The following SCARA5 variants were observed in gnomAD, a reference collection of about 807,000 sequenced individuals.
SCARA5 encodes the protein scavenger receptor class A, member 5 (putative).
In SCARA5, 45 loss-of-function variants were observed where a neutral mutation model predicts 46.3. The ratio of observed to expected loss-of-function variants is 0.97; its 90% CI spans 0.76 to 1.24. The LOEUF is 1.24. Ranked by LOEUF, SCARA5 falls within the 50% of genes most tolerant of loss-of-function variation. The pLI, the probability that SCARA5 is intolerant of heterozygous loss-of-function variation, is 0.00. For missense variants in SCARA5, 680 were observed against 689.0 expected, an observed-to-expected ratio of 0.99 and a Z score of 0.15; for synonymous variants, 333 against 306.5, an observed-to-expected ratio of 1.09 and a Z score of -0.90.
At chr8:27,977,563 C>G (rs1808544709) in intron 2 of SCARA5, among the ~76,000 whole-genome samples, 1 of 152,230 alleles carries the variant, frequency 6.6e-6, no homozygotes, top group Admixed American at 6.5e-5. Context: ...CCATTCTCCT[C>G]ATACACCAGT....
chr8:27,913,855 C>T (rs1807417934), intron 4 of SCARA5, among the ~76,000 whole-genome samples: 1 of 152,212 alleles, frequency 6.6e-6, no homozygotes, highest in African/African-American at 2.4e-5. Context: ...TGCTCATGGT[C>T]ACCAACTTTC....
intron 2 of SCARA5, among the ~76,000 whole-genome samples, chr8:27,986,301 C>T (rs1044071214): frequency 8.5e-5 from 13 of 152,180 alleles, no homozygotes; most frequent in African/African-American, 3.1e-4. Flanking sequence ...GTCTTCCAGC[C>T]CTTTTCCAGA....
At chr8:27,917,747 A>G (rs781110415) in intron 4 of SCARA5, among the ~76,000 whole-genome samples, 2 of 152,218 alleles carry the variant, frequency 1.3e-5, no homozygotes, top group Non-Finnish European at 2.9e-5. Context: ...GCCTCATTAT[A>G]GGTCATAATT....
chr8:27,990,226 G>A (rs1476332002), intron 1 of SCARA5, among the ~76,000 whole-genome samples: 1 of 152,256 alleles, frequency 6.6e-6, no homozygotes, highest in Non-Finnish European at 1.5e-5. Flanking sequence ...AGGGACTGGG[G>A]CCGAGCGGGG....
chr8:27,901,694 G>C lies in SCARA5; in HGVS notation c.1153+3084C>G, dbSNP rs73567083. ...GCTGTGGGAAGACACCCCGCAATGG[G>C]ACAGGCACAGACCTCAGCCCTGAAT... On this transcript the variant is annotated intron_variant, in intron 7 of 8. Coordinates refer to ENST00000354914, the MANE Select transcript of SCARA5 (RefSeq NM_173833.6). Among the ~76,000 whole-genome samples the C allele has an allele frequency of 2.2e-3, 342 of 152,270 alleles. 1 individual carries two copies. The highest frequency in any genetic ancestry group is 6.1e-3 in the African/African-American group (253 of 41,552).
intron 7 of SCARA5, chr8:27,903,585 T>C (rs1299546021): frequency 2.0e-5 from 3 of 152,306 alleles, no homozygotes; most frequent in African/African-American, 7.2e-5. Flanking sequence ...TATGCTCTAT[T>C]TGTTTTAAGT....
intron 3 of SCARA5, among the ~76,000 whole-genome samples, chr8:27,963,205 A>G (rs943824723): frequency 3.3e-5 from 5 of 152,218 alleles, no homozygotes; most frequent in African/African-American, 1.2e-4. Flanking sequence ...GAAGAGCCAT[A>G]GGTAAGACTG....
intron 7 of SCARA5, among the ~76,000 whole-genome samples, chr8:27,902,975 G>A (rs925912432): frequency 4.6e-5 from 7 of 152,120 alleles, no homozygotes; most frequent in Non-Finnish European, 7.3e-5. Flanking sequence ...GTTTTTCTAC[G>A]GGCAAGTCCA....
chr8:27,950,680 G>C (rs1162842273), intron 3 of SCARA5, among the ~76,000 whole-genome samples: 1 of 152,096 alleles, frequency 6.6e-6, no homozygotes, highest in Non-Finnish European at 1.5e-5. Flanking sequence ...GCGGCCAGAG[G>C]GACAGAGTGG....
intron 3 of SCARA5, among the ~76,000 whole-genome samples, chr8:27,945,769 AG>A (rs1808026960): frequency 6.6e-6 from 1 of 152,236 alleles, no homozygotes; most frequent in African/African-American, 2.4e-5. Flanking sequence ...ACCAGGCAAA[AG>A]GCTTAAACAG....
intron 3 of SCARA5, among the ~76,000 whole-genome samples, chr8:27,948,400 T>G (rs1468179178): frequency 1.3e-5 from 2 of 152,196 alleles, no homozygotes; most frequent in African/African-American, 2.4e-5. Context: ...AACTGAAGTC[T>G]CAGGACCTGG....
At chr8:27,911,968 C>T (rs181289754) in intron 4 of SCARA5, among the ~76,000 whole-genome samples, 64 of 152,214 alleles carry the variant, frequency 4.2e-4, no homozygotes, top group Middle Eastern at 3.4e-3. Flanking sequence ...TGATGCATTC[C>T]CAAGCCAAGA....
At chr8:27,954,138 C>T (rs1485399462) in intron 3 of SCARA5, among the ~76,000 whole-genome samples, 1 of 152,166 alleles carries the variant, frequency 6.6e-6, no homozygotes, top group Non-Finnish European at 1.5e-5. Flanking sequence ...GGGCACTTAC[C>T]CAGCTTCTGT....
chr8:27,883,627 A>G (rs1047640255), intron 7 of SCARA5, among the ~76,000 whole-genome samples: 1 of 152,184 alleles, frequency 6.6e-6, no homozygotes, highest in Non-Finnish European at 1.5e-5. Flanking sequence ...GTGGACTGGC[A>G]TTTAGATTAG....
intron 7 of SCARA5, among the ~76,000 whole-genome samples, chr8:27,902,670 T>C (rs1202719310): frequency 2.0e-5 from 3 of 152,154 alleles, no homozygotes; most frequent in Admixed American, 6.5e-5. Flanking sequence ...CAGAACTAAA[T>C]GCCACGATCC....
intron 5 of SCARA5, 56 bp from the exon 6 acceptor site, chr8:27,907,302 C>T (rs1168277497): frequency 4.6e-6 from 6 of 1,315,038 alleles, no homozygotes; most frequent in Non-Finnish European, 5.4e-6. Flanking sequence ...GAAGGACCCT[C>T]AGAGGTCATC....
At chr8:27,951,401 G>C (rs1808124126) in intron 3 of SCARA5, among the ~76,000 whole-genome samples, 1 of 152,126 alleles carries the variant, frequency 6.6e-6, no homozygotes. Context: ...TCAACCCAGA[G>C]CCCCCAACAG....
intron 4 of SCARA5, among the ~76,000 whole-genome samples, chr8:27,915,099 T>C (rs1387924730): frequency 6.6e-6 from 1 of 151,936 alleles, no homozygotes; most frequent in Non-Finnish European, 1.5e-5. Context: ...CAGGGTAGAG[T>C]GGCTCAGCAA....
intron 8 of SCARA5, among the ~76,000 whole-genome samples, 200 bp from the exon 9 acceptor site, chr8:27,872,270 T>A (rs981282852): frequency 1.3e-5 from 2 of 152,136 alleles, no homozygotes; most frequent in Non-Finnish European, 2.9e-5. Context: ...TCACAATAAT[T>A]GTTGGTGATG....
Sources: allele counts gnomAD v4.1 joint callset (sites outside exome capture counted in the v4.1 genomes callset), GRCh38; gene constraint gnomAD v4.1.1; transcripts MANE v1.5; gene names NCBI Gene and HGNC (gene_info 2026-07-23, HGNC 2026-07-21).